Variants in TRIM24 observed in about 807,000 individuals in gnomAD.
TRIM24 encodes tripartite motif containing 24.
In TRIM24, 29 loss-of-function variants were observed where a neutral mutation model predicts 123.9. That is an observed-to-expected ratio of 0.23 (90% CI 0.17 to 0.32). The LOEUF (loss-of-function observed/expected upper bound fraction) is 0.32. Ranked by LOEUF, TRIM24 falls within the 10% of genes least tolerant of loss-of-function variation. The probability of loss-of-function intolerance (pLI) is 1.00; values close to 1 mark genes in which losing one functional copy is unlikely to be tolerated. For synonymous variants in TRIM24, 456 were observed against 461.1 expected (o/e 0.99, Z 0.14); for missense variants, 932 against 1,295.3 (o/e 0.72, Z 4.31).
At chr7:138,472,760 G>C (rs761481649) in intron 1 of TRIM24, among the ~76,000 whole-genome samples, 9 of 152,152 alleles carry the variant, frequency 5.9e-5, no homozygotes, top group Admixed American at 6.5e-5. Flanking sequence ...AACAAGATAA[G>C]GACATTGCCA....
Position 138,587,813 on chromosome 7 carries a change from A to G in TRIM24, c.*2862A>G, listed in dbSNP as rs1798044706. On this transcript the variant is annotated 3_prime_UTR_variant, in exon 19 of 19. Transcript: ENST00000343526. ...GACTTTTCCTGTGTAAGGAAGCCCAAGTACTTGACCAGTGATATATATGGC... is the reference window on the plus strand; with the variant it reads ...GACTTTTCCTGTGTAAGGAAGCCCAGGTACTTGACCAGTGATATATATGGC... The G allele has an allele frequency of 6.6e-6, 1 of 152,240 alleles. No homozygotes were observed. The highest frequency in any genetic ancestry group is 6.5e-5 in the Admixed American group (1 of 15,286). 9.4% of individuals were successfully genotyped at this position (152,240 alleles called of 1,614,324 possible). A position where few individuals can be genotyped will look rare whatever the true frequency, so the allele number is the denominator to read the frequency against.
At chr7:138,573,381 A>T in intron 11 of TRIM24, 126 bp from the exon 12 acceptor site, 1 of 891,388 alleles carries the variant, frequency 1.1e-6, no homozygotes, top group Non-Finnish European at 1.6e-6. Flanking sequence ...AGAACTTCTC[A>T]AATGTGGTAT....
chr7:138,498,848 G>C (rs1375873780), intron 1 of TRIM24, among the ~76,000 whole-genome samples: 1 of 151,952 alleles, frequency 6.6e-6, no homozygotes, highest in Non-Finnish European at 1.5e-5. Flanking sequence ...TGACCAGGCT[G>C]GTCTTCAACT....
chr7:138,575,459 A>ATTTTTT lies in TRIM24; in HGVS notation c.2015-900_2015-895dup, dbSNP rs34375724. On this transcript the variant is annotated intron_variant, in intron 12 of 18. Transcript: ENST00000343526. ...AGGTAGGTGCCACCAGGCCTGGCTA[A>ATTTTTT]TTTTTTTTTTTTTTTTTTTGGTTAG... is the stretch of plus-strand genomic sequence containing the variant. Among the ~76,000 whole-genome samples the ATTTTTT allele has an allele frequency of 6.4e-4, 82 of 127,202 alleles. 1 individual carries two copies. The highest frequency in any genetic ancestry group is 9.4e-4 in the African/African-American group (32 of 33,880). The allele number at this position is 127,202 out of a possible 152,430, so 83.4% of individuals were successfully genotyped here.
Position 138,584,782 on chromosome 7 carries a change from A to C in TRIM24, c.2984A>C (p.Asn995Thr). ...GCCAATGCTGGTATAAAACTTGAAA[A>C]TTATTTTGAAGAACTTCTAAAGAAC... ...EVANAGIKLENYFEELLKNLY... is the reference protein window; with the variant it reads ...EVANAGIKLETYFEELLKNLY... The change falls in exon 19 of 19, where the codon AAT (asparagine) becomes ACT (threonine). Residue 995 changes from asparagine (N) to threonine (T), a missense_variant. Coordinates refer to ENST00000343526, the MANE Select transcript of TRIM24 (RefSeq NM_015905.3). 6.2e-7 allele frequency: 1 copy of C among 1,612,206 alleles called. No homozygotes were observed. Among genetic ancestry groups the C allele is most frequent in the South Asian group, 1.1e-5 (1 of 90,362 alleles).
Position 138,460,293 on chromosome 7 carries a change from G to A in TRIM24, c.-256G>A, listed in dbSNP as rs1346486727. ...GAGCGCCTCGGCGGTTGGCGAAGCG[G>A]ACGGGGTGCAGCCTCCCCGGTGCGA... On this transcript the variant is annotated 5_prime_UTR_variant, in exon 1 of 19. Transcript: ENST00000343526. 7 of 379,664 alleles carry A rather than the reference G, an allele frequency of 1.8e-5. No homozygotes were observed. The East Asian group carries it at 2.7e-4, about 14-fold the overall frequency. The allele number at this position is 379,664 out of a possible 1,614,324, so 23.5% of individuals were successfully genotyped here.
chr7:138,524,134 C>G (rs992997538), intron 4 of TRIM24, among the ~76,000 whole-genome samples: 1 of 152,028 alleles, frequency 6.6e-6, no homozygotes, highest in African/African-American at 2.4e-5. Context: ...AAGTATATGC[C>G]TATCTCAATA....
chr7:138,489,537 G>A (rs1795731700), intron 1 of TRIM24, among the ~76,000 whole-genome samples: 1 of 152,122 alleles, frequency 6.6e-6, no homozygotes, highest in Admixed American at 6.6e-5. Flanking sequence ...TTGTAAGGCA[G>A]GCCTGGTGGT....
At chr7:138,534,464 G>A (rs1375724682) in intron 6 of TRIM24, among the ~76,000 whole-genome samples, 2 of 152,102 alleles carry the variant, frequency 1.3e-5, no homozygotes, top group African/African-American at 2.4e-5. Context: ...CCTTCATTTT[G>A]TTATGTACCC....
Position 138,586,978 on chromosome 7 carries a change from G to A in TRIM24, c.*2027G>A, listed in dbSNP as rs1422951721. 6.6e-6 allele frequency: 1 copy of A among 152,104 alleles called. No homozygotes were observed. The highest frequency in any genetic ancestry group is 1.9e-4 in the East Asian group (1 of 5,202). The allele number at this position is 152,104 out of a possible 1,614,324, so 9.4% of individuals were successfully genotyped here. A position where few individuals can be genotyped will look rare whatever the true frequency, so the allele number is the denominator to read the frequency against. On this transcript the variant is annotated 3_prime_UTR_variant, in exon 19 of 19. Coordinates refer to ENST00000343526, the MANE Select transcript of TRIM24 (RefSeq NM_015905.3). The stretch of plus-strand genomic sequence containing the variant: ...ATATTTATCTTTCAAAACAGTATTT[G>A]TTTCACCCTAACCATCTTTGGCTGA...
rs143678456 is a variant in TRIM24, at chr7:138,461,868, C to T, written c.364+956C>T. Among the ~76,000 whole-genome samples, 290 of 152,184 alleles carry T rather than the reference C, an allele frequency of 1.9e-3. 1 individual carries two copies. Among genetic ancestry groups the T allele is most frequent in the Middle Eastern group, 3.4e-3 (1 of 292 alleles). ...AGTTGATTTAGTTTGAAATAAAATG[C>T]TAATTAAGTAATTATGCTAGGTCAA... is the stretch of plus-strand genomic sequence containing the variant. On this transcript the variant is annotated intron_variant, in intron 1 of 18. Transcript: ENST00000343526.
At chr7:138,537,814 G>A (rs1005943348) in intron 6 of TRIM24, among the ~76,000 whole-genome samples, 1 of 152,142 alleles carries the variant, frequency 6.6e-6, no homozygotes, top group East Asian at 1.9e-4. Context: ...GCTAGGATCT[G>A]GGTTCGCTTT....
chr7:138,476,981 G>A (rs1795417065), intron 1 of TRIM24, among the ~76,000 whole-genome samples: 1 of 152,126 alleles, frequency 6.6e-6, no homozygotes, highest in African/African-American at 2.4e-5. Context: ...ATACTGCTGT[G>A]GAGTGAATTC....
Position 138,460,865 on chromosome 7 carries a change from C to G in TRIM24, c.317C>G (p.Pro106Arg), listed in dbSNP as rs1358625156. ...LGSAETPPPV[P>R]APGSPVSGSS... ...TCGGCCGAGACCCCGCCACCCGTCC[C>G]TGCCCCCGGCTCGCCGGTCAGCGGC... The change falls in exon 1 of 19, where the codon CCT becomes CGT. Residue 106 changes from proline (P) to arginine (R), a missense_variant. This residue lies in a region of TRIM24 where 164 missense variants were observed against 181.9 expected (regional missense o/e 0.90). Coordinates refer to ENST00000343526, the MANE Select transcript of TRIM24 (RefSeq NM_015905.3). 6.5e-7 allele frequency: 1 copy of G among 1,546,700 alleles called. No individual in the cohort carries two copies. Among genetic ancestry groups the G allele is most frequent in the Non-Finnish European group, 8.7e-7 (1 of 1,155,784 alleles).
intron 2 of TRIM24, among the ~76,000 whole-genome samples, chr7:138,507,018 C>G (rs10237720): frequency 0.021 from 3,237 of 152,134 alleles, 93 homozygotes; most frequent in African/African-American, 0.071. Context: ...CTTTCACAGA[C>G]ATCATGATAA....
chr7:138,565,644 A>G (rs1011344203), intron 9 of TRIM24, among the ~76,000 whole-genome samples: 4 of 152,192 alleles, frequency 2.6e-5, no homozygotes, highest in Non-Finnish European at 4.4e-5. Flanking sequence ...CAATAGGTAG[A>G]AGAGGAGGAT....
chr7:138,504,208 A>T, intron 1 of TRIM24, 82 bp from the exon 2 acceptor site: 1 of 834,820 alleles, frequency 1.2e-6, no homozygotes, highest in Non-Finnish European at 1.7e-6. Context: ...TTGAAAAAGA[A>T]CAAAGTCACA....
At chr7:138,553,556 A>G (rs1321970721) in intron 8 of TRIM24, among the ~76,000 whole-genome samples, 1 of 152,192 alleles carries the variant, frequency 6.6e-6, no homozygotes, top group Non-Finnish European at 1.5e-5. Flanking sequence ...TTTCAAGGGC[A>G]CCGTTAAACT....
chr7:138,538,558 TTAGAGATTG>T (rs1796939794), intron 6 of TRIM24, 90 bp from the exon 7 acceptor site: 1 of 1,270,092 alleles, frequency 7.9e-7, no homozygotes, highest in Admixed American at 2.0e-5. Context: ...AATTGAGTAA[TTAGAGATTG>T]TAGTTATTCT....
Sources: allele counts gnomAD v4.1 joint callset (sites outside exome capture counted in the v4.1 genomes callset), GRCh38; gene constraint gnomAD v4.1.1; regional missense constraint gnomAD v4.1.1; transcripts MANE v1.5; gene names NCBI Gene and HGNC (gene_info 2026-07-23, HGNC 2026-07-21).